Variants in KCTD16 observed in about 807,000 individuals in gnomAD.
KCTD16 encodes the protein BTB/POZ domain-containing protein KCTD16.
In KCTD16, 13 loss-of-function variants were observed where a neutral mutation model predicts 33.2. The observed-to-expected ratio is 0.39, with a 90% CI of 0.25 to 0.62. KCTD16 has a LOEUF of 0.62. Ranked by LOEUF, KCTD16 falls within the 20% of genes least tolerant of loss-of-function variation. The pLI is 0.50. For missense variants in KCTD16, 441 were observed against 525.1 expected, an observed-to-expected ratio of 0.84 and a Z score of 1.57; for synonymous variants, 197 against 195.3, an observed-to-expected ratio of 1.01 and a Z score of -0.07.
At chr5:144,200,566 C>T (rs556696831) in intron 2 of KCTD16, among the ~76,000 whole-genome samples, 2 of 152,258 alleles carry the variant, frequency 1.3e-5, no homozygotes, top group East Asian at 1.9e-4. Flanking sequence ...TTTATTTTGT[C>T]ATTGGCCATG....
At chr5:144,400,523 G>A (rs192607543) in intron 3 of KCTD16, among the ~76,000 whole-genome samples, 70 of 152,194 alleles carry the variant, frequency 4.6e-4, no homozygotes, top group Admixed American at 3.9e-3. Context: ...ATAGGGGTGT[G>A]GAATATGAGT....
intron 2 of KCTD16, among the ~76,000 whole-genome samples, chr5:144,195,963 T>C (rs749752318): frequency 2.0e-5 from 3 of 152,172 alleles, no homozygotes; most frequent in African/African-American, 4.8e-5. Flanking sequence ...TGTCTCCAAG[T>C]CAGACACAGA....
At chr5:144,385,203 TCAATAAAATATAAGG>T (rs1182603355) in intron 3 of KCTD16, 1 of 152,222 alleles carries the variant, frequency 6.6e-6, no homozygotes, top group Non-Finnish European at 1.5e-5. Context: ...CTATAACCTC[TCAATAAAATATAAGG>T]CACAAAAATT....
At chr5:144,453,748 A>AT (rs1211369215) in intron 3 of KCTD16, among the ~76,000 whole-genome samples, 21 of 151,942 alleles carry the variant, frequency 1.4e-4, no homozygotes, top group African/African-American at 2.4e-4. Context: ...TGAAAGAAGT[A>AT]TTTTTTTTGA....
At chr5:144,429,815 A>G (rs1482200259) in intron 3 of KCTD16, among the ~76,000 whole-genome samples, 3 of 152,154 alleles carry the variant, frequency 2.0e-5, no homozygotes, top group African/African-American at 7.2e-5. Flanking sequence ...ACAGGAATAT[A>G]CAGTGCCGCC....
rs1185206275 is a variant in KCTD16 at position 144,465,188 on chromosome 5, CCT to C, written c.833-8462_833-8461del. ...ACATACATAGTCTCTCTCTCCCCCC[CCT>C]CTCTCTCTCACTCTCTCTCTCTCTC... On this transcript the variant is annotated intron_variant, in intron 3 of 3. Coordinates refer to ENST00000512467, the MANE Select transcript of KCTD16 (RefSeq NM_020768.4). Among the ~76,000 whole-genome samples the C allele has an allele frequency of 1.9e-4, 12 of 63,648 alleles. 2 individuals are homozygous for C. The highest frequency in any genetic ancestry group is 4.8e-4 in the African/African-American group (8 of 16,690). The allele number at this position is 63,648 out of a possible 152,430, so 41.8% of individuals were successfully genotyped here. A position where few individuals can be genotyped will look rare whatever the true frequency, so the allele number is the denominator to read the frequency against.
At chr5:144,325,333 C>T (rs147500219) in intron 3 of KCTD16, among the ~76,000 whole-genome samples, 38 of 152,276 alleles carry the variant, frequency 2.5e-4, no homozygotes, top group African/African-American at 8.2e-4. Flanking sequence ...CTCCCTGTGT[C>T]TAATAGGACA....
At chr5:144,460,558 C>T (rs965456580) in intron 3 of KCTD16, among the ~76,000 whole-genome samples, 6 of 152,240 alleles carry the variant, frequency 3.9e-5, no homozygotes, top group Non-Finnish European at 7.3e-5. Context: ...TCTTGTGCCT[C>T]AGCCTTCTGA....
At chr5:144,191,858 G>A (rs535831528) in intron 2 of KCTD16, among the ~76,000 whole-genome samples, 22 of 151,180 alleles carry the variant, frequency 1.5e-4, no homozygotes, top group African/African-American at 5.3e-4. Context: ...TAAACTTTAG[G>A]CCTTTTCTGA....
chr5:144,445,006 C>CAT (rs1223887857), intron 3 of KCTD16, among the ~76,000 whole-genome samples: 7 of 150,320 alleles, frequency 4.7e-5, no homozygotes, highest in African/African-American at 7.3e-5. Flanking sequence ...TATATGTACA[C>CAT]ATATATATTT....
chr5:144,174,022 T>C (rs549770247), intron 1 of KCTD16, among the ~76,000 whole-genome samples: 9 of 152,212 alleles, frequency 5.9e-5, no homozygotes, highest in African/African-American at 1.9e-4. Flanking sequence ...CAGCTGGCTT[T>C]ATTAGGAGTA....
chr5:144,409,228 A>G (rs936671933), intron 3 of KCTD16, among the ~76,000 whole-genome samples: 3 of 152,202 alleles, frequency 2.0e-5, no homozygotes, highest in Non-Finnish European at 4.4e-5. Context: ...ATAAAATGAA[A>G]ACAATTTGAA....
chr5:144,223,324 T>A (rs1753823510), intron 3 of KCTD16, among the ~76,000 whole-genome samples: 1 of 152,006 alleles, frequency 6.6e-6, no homozygotes, highest in Admixed American at 6.5e-5. Flanking sequence ...AAGTAGATAG[T>A]AGAAAGTTAA....
chr5:144,337,041 T>C (rs892965323), intron 3 of KCTD16, among the ~76,000 whole-genome samples: 2 of 151,632 alleles, frequency 1.3e-5, no homozygotes, highest in Non-Finnish European at 2.9e-5. Flanking sequence ...TTCATAAATA[T>C]TTTCCCAAGT....
At chr5:144,405,816 C>A (rs1752798509) in intron 3 of KCTD16, among the ~76,000 whole-genome samples, 1 of 152,116 alleles carries the variant, frequency 6.6e-6, no homozygotes, top group African/African-American at 2.4e-5. Context: ...AGTAGAATGA[C>A]CAGAAAGACC....
chr5:144,209,643 G>C (rs930218891), intron 3 of KCTD16, among the ~76,000 whole-genome samples: 1 of 151,700 alleles, frequency 6.6e-6, no homozygotes, highest in African/African-American at 2.4e-5. Context: ...GCTGCCAACT[G>C]TGCCTATATA....
At chr5:144,312,007 T>C (rs1186475105) in intron 3 of KCTD16, among the ~76,000 whole-genome samples, 1 of 152,200 alleles carries the variant, frequency 6.6e-6, no homozygotes, top group Admixed American at 6.5e-5. Flanking sequence ...GTTAAAGCCA[T>C]TTGCTCCAGA....
intron 3 of KCTD16, among the ~76,000 whole-genome samples, chr5:144,451,591 G>C (rs1336855990): frequency 6.6e-6 from 1 of 152,120 alleles, no homozygotes; most frequent in Non-Finnish European, 1.5e-5. Flanking sequence ...TTGTGAAATA[G>C]AACGCAGGCA....
intron 3 of KCTD16, among the ~76,000 whole-genome samples, chr5:144,278,298 C>T (rs920695927): frequency 6.6e-5 from 10 of 151,752 alleles, no homozygotes; most frequent in African/African-American, 2.4e-4. Context: ...CTTTTGGACT[C>T]ATCAAAAAAA....
Sources: gnomAD v4.1 joint callset for allele counts (sites outside exome capture counted in the v4.1 genomes callset) on GRCh38, gnomAD v4.1.1 for gene constraint, MANE v1.5 for transcripts, NCBI Gene and HGNC (gene_info 2026-07-23, HGNC 2026-07-21) for gene names.